The following LRRC71 variants were observed in gnomAD, a reference collection of about 807,000 sequenced individuals.
LRRC71 encodes the protein leucine rich repeat containing 71.
LRRC71 carries 54 observed loss-of-function variants against 66.6 expected under a neutral mutation model. The observed-to-expected ratio is 0.81, with a 90% confidence interval of 0.65 to 1.02. The LOEUF (loss-of-function observed/expected upper bound fraction) is 1.02, where lower values mean the gene tolerates loss of function less well. LRRC71 is among the 50% of genes least tolerant of loss of function. The pLI is 0.00. For missense variants in LRRC71, 724 were observed against 718.0 expected (o/e 1.01, Z -0.10); for synonymous variants, 323 against 303.9 (o/e 1.06, Z -0.65).
downstream of LRRC71, chr1:156,937,362 C>T: frequency 6.2e-7 from 1 of 1,611,736 alleles, no homozygotes; most frequent in Non-Finnish European, 8.5e-7. Flanking sequence ...TCATCGTTGC[C>T]TCCCTGCAGC....
At chr1:156,925,518 G>T (rs1440477915) in intron 5 of LRRC71, among the ~76,000 whole-genome samples, 1 of 152,250 alleles carries the variant, frequency 6.6e-6, no homozygotes, top group Non-Finnish European at 1.5e-5. Context: ...TGTGAGGCAG[G>T]AAGACCTGGA....
downstream of LRRC71, among the ~76,000 whole-genome samples, chr1:156,936,490 A>AT (rs1557806716): frequency 1.7e-4 from 16 of 95,898 alleles, no homozygotes; most frequent in African/African-American, 2.7e-4. Flanking sequence ...GAAAAAAAAA[A>AT]AAAAAAAATA....
At chr1:156,928,476 C>A (rs1224939785) in intron 9 of LRRC71, among the ~76,000 whole-genome samples, 1 of 129,056 alleles carries the variant, frequency 7.7e-6, no homozygotes, top group African/African-American at 3.4e-5. Flanking sequence ...TCTCTTCTTC[C>A]TCTTCCTCCT....
the LRRC71 span, among the ~76,000 whole-genome samples, chr1:156,940,702 T>A: frequency 6.6e-6 from 1 of 152,260 alleles, no homozygotes; most frequent in South Asian, 2.1e-4. Flanking sequence ...AGGCAGTAAC[T>A]TCCACCGGAA....
Position 156,927,730 on chromosome 1 carries a change from T to A in LRRC71, c.823-3T>A. On this transcript the variant is annotated splice_region_variant and splice_polypyrimidine_tract_variant and intron_variant, in intron 7 of 14. Coordinates refer to ENST00000337428, the MANE Select transcript of LRRC71 (RefSeq NM_144702.3). ...GGCTCACGCGTCCCTGCCCGCCTCT[T>A]AGGGCCTCCGGCTGAACCGTTCCCT... 1 of 1,608,816 alleles carries A rather than the reference T, an allele frequency of 6.2e-7. No individual in the cohort carries two copies. The highest frequency in any genetic ancestry group is 1.3e-5 in the African/African-American group (1 of 75,034).
the LRRC71 span, chr1:156,940,190 G>A: frequency 6.4e-7 from 1 of 1,551,746 alleles, no homozygotes; most frequent in Non-Finnish European, 8.7e-7. Context: ...CTGACGGCAG[G>A]GCCTTGAAGC....
downstream of LRRC71, among the ~76,000 whole-genome samples, chr1:156,936,497 A>AAAAAAAAAT (rs370282821): frequency 2.4e-3 from 82 of 33,912 alleles, 1 homozygote; most frequent in East Asian, 4.4e-3. Flanking sequence ...AAAAAAAAAA[A>AAAAAAAAAT]ATATATATAT....
At chr1:156,939,262 G>A in the LRRC71 span, 18 of 421,928 alleles carry the variant, frequency 4.3e-5, 1 homozygote, top group African/African-American at 3.6e-4. Context: ...GTTTGTGCCA[G>A]GCAGAAAGAA....
rs1654534668 is a variant in LRRC71 at position 156,932,527 on chromosome 1, G to C, written c.1545G>C (p.Leu515=). Residue 515 remains leucine (L), a synonymous_variant, in exon 14 of 15, where the codon CTG becomes CTC. Transcript: ENST00000337428. ...AKSASKGPVG[L]LWLSLAKNCF... The stretch of plus-strand genomic sequence containing the variant: ...GTGCATCCAAGGGTCCAGTGGGGCT[G>C]CTGTGGCTGTCCCTGGCTGTGAGTC... 1 of 1,614,024 alleles carries C rather than the reference G, an allele frequency of 6.2e-7. No individual in the cohort carries two copies. Among genetic ancestry groups the C allele is most frequent in the Non-Finnish European group, 8.5e-7 (1 of 1,179,898 alleles).
intron 1 of LRRC71, 94 bp from the exon 2 acceptor site, chr1:156,923,855 C>T (rs2101597872): frequency 7.9e-7 from 1 of 1,271,342 alleles, no homozygotes; most frequent in South Asian, 1.6e-5. Flanking sequence ...GCAAAAATAT[C>T]CGTCTGAGGA....
rs769631994 is a variant in LRRC71, at chr1:156,932,864, C to G, written c.1575C>G (p.Phe525Leu). The change falls in exon 15 of 15, where the codon TTC becomes TTG. Residue 525 changes from phenylalanine to leucine, a missense_variant. Transcript: ENST00000337428. ...CCTTTTCTTTTCAGAAAAATTGCTT[C>G]GCCCCACAATGTCCTGCGTACGCCA... ...LLWLSLAKNC[F>L]APQCPAYAII... 6.2e-7 allele frequency: 1 copy of G among 1,600,316 alleles called. No homozygotes were observed. The highest frequency in any genetic ancestry group is 1.1e-5 in the South Asian group (1 of 89,460).
intron 1 of LRRC71, among the ~76,000 whole-genome samples, chr1:156,923,216 G>C (rs1455757956): frequency 6.6e-6 from 1 of 152,180 alleles, no homozygotes; most frequent in African/African-American, 2.4e-5. Flanking sequence ...GGAGCTCCAG[G>C]CTGTCCGGCA....
At chr1:156,921,608 T>G in intron 1 of LRRC71, 3 of 984,842 alleles carry the variant, frequency 3.0e-6, no homozygotes, top group Non-Finnish European at 3.6e-6. Context: ...TCAGTGCTGG[T>G]GGATGGGGAG....
At chr1:156,939,519 TC>T in the LRRC71 span, 1 of 1,605,348 alleles carries the variant, frequency 6.2e-7, no homozygotes, top group Non-Finnish European at 8.5e-7. Flanking sequence ...GGTGCTTGTC[TC>T]CCCACTGGAC....
intron 11 of LRRC71, among the ~76,000 whole-genome samples, chr1:156,930,091 T>TTCTTTTCTTTCTTTC (rs1557793302): frequency 1.0e-5 from 1 of 96,844 alleles, no homozygotes; most frequent in African/African-American, 4.4e-5. Flanking sequence ...CTTTCTTTCT[T>TTCTTTTCTTTCTTTC]TCTCTCTCTT....
downstream of LRRC71, among the ~76,000 whole-genome samples, chr1:156,933,436 C>G (rs1412956415): frequency 6.6e-6 from 1 of 152,222 alleles, no homozygotes; most frequent in Non-Finnish European, 1.5e-5. Flanking sequence ...GAATTAAGCA[C>G]AGGCTCCATG....
chr1:156,926,141 A>G (rs1258688005), intron 5 of LRRC71, among the ~76,000 whole-genome samples: 4 of 152,208 alleles, frequency 2.6e-5, no homozygotes, highest in African/African-American at 9.6e-5. Flanking sequence ...TAGAGAAGCA[A>G]CTGCCATGTG....
intron 6 of LRRC71, 101 bp downstream of exon 6, chr1:156,927,371 G>T: frequency 6.5e-7 from 1 of 1,531,520 alleles, no homozygotes; most frequent in East Asian, 2.3e-5. Context: ...TCTCGGCAAG[G>T]GCCCTCGATT....
chr1:156,939,711 C>T, the LRRC71 span: 44 of 1,614,008 alleles, frequency 2.7e-5, no homozygotes, highest in East Asian at 7.6e-4. Context: ...GCCGTTCCCC[C>T]TCCAGCCCTG....
Sources: allele counts gnomAD v4.1 joint callset (sites outside exome capture counted in the v4.1 genomes callset), GRCh38; gene constraint gnomAD v4.1.1; transcripts MANE v1.5; gene names NCBI Gene and HGNC (gene_info 2026-07-23, HGNC 2026-07-21).